Variants in MITF observed in about 807,000 individuals in gnomAD.
The protein encoded by MITF is melanocyte inducing transcription factor.
A neutral mutation model predicts 60.5 loss-of-function variants in MITF; 17 were observed. The ratio of observed to expected loss-of-function variants is 0.28; its 90% CI spans 0.19 to 0.42. The LOEUF is 0.42. Among genes scored for constraint, MITF ranks in the 10% least tolerant of loss-of-function variants. The pLI is 1.00. For missense variants in MITF, 622 were observed against 683.5 expected, an observed-to-expected ratio of 0.91 and a Z score of 1.00; for synonymous variants, 260 against 248.5, an observed-to-expected ratio of 1.05 and a Z score of -0.43.
intron 1 of MITF, among the ~76,000 whole-genome samples, chr3:69,771,032 G>A (rs1037334232): frequency 4.6e-5 from 7 of 152,124 alleles, no homozygotes; most frequent in Admixed American, 6.5e-5. Context: ...GACAGCAACC[G>A]CTTCTCTCAT....
intron 2 of MITF, among the ~76,000 whole-genome samples, chr3:69,903,078 T>C (rs1213605108): frequency 6.6e-6 from 1 of 152,166 alleles, no homozygotes; most frequent in Non-Finnish European, 1.5e-5. Flanking sequence ...AATCTATGGG[T>C]TTTATTTTTA....
chr3:69,780,829 C>A (rs57044368), intron 1 of MITF, among the ~76,000 whole-genome samples: 2,604 of 152,284 alleles, frequency 0.017, 74 homozygotes, highest in African/African-American at 0.06. Context: ...TCACTCTTGC[C>A]ACTTTCTGTT....
intron 1 of MITF, among the ~76,000 whole-genome samples, chr3:69,759,304 C>T (rs961114920): frequency 6.6e-6 from 1 of 152,128 alleles, no homozygotes; most frequent in African/African-American, 2.4e-5. Flanking sequence ...ACAGCACTTT[C>T]GCACTAAACT....
rs79077836 is a variant in MITF at position 69,815,157 on chromosome 3, G to A, written c.105-63977G>A. On this transcript the variant is annotated intron_variant, in intron 1 of 9. Coordinates refer to ENST00000352241, the MANE Select transcript of MITF (RefSeq NM_001354604.2). ...CCTCAGACATACAAAAACACTGAAC[G>A]AAGCAGAATATTCCAAGGGTTCAGA... is the stretch of plus-strand genomic sequence containing the variant. Among the ~76,000 whole-genome samples the A allele has an allele frequency of 3.7e-3, 559 of 152,250 alleles. 1 individual carries two copies. Among genetic ancestry groups the A allele is most frequent in the African/African-American group, 0.012 (508 of 41,534 alleles).
chr3:69,821,677 G>GA (rs71620104), intron 1 of MITF, among the ~76,000 whole-genome samples: 20,375 of 112,610 alleles, frequency 0.18, 1,937 homozygotes, highest in South Asian at 0.25. Context: ...TTTAGAAAAG[G>GA]AAAAAAAAAA....
At chr3:69,944,221 G>C (rs1006256259) in intron 5 of MITF, among the ~76,000 whole-genome samples, 4 of 152,042 alleles carry the variant, frequency 2.6e-5, no homozygotes, top group Non-Finnish European at 2.9e-5. Flanking sequence ...GATTAATTTA[G>C]CATTTATGGA....
intron 1 of MITF, among the ~76,000 whole-genome samples, chr3:69,811,737 T>C (rs73838668): frequency 1.3e-5 from 2 of 152,246 alleles, no homozygotes; most frequent in Admixed American, 6.5e-5. Context: ...CTGGGAAGCA[T>C]AGAATGACAA....
At position 69,739,709 on chromosome 3, in the gene MITF, G is replaced by A; in HGVS notation, c.104+8G>A. The A allele has an allele frequency of 2.6e-6, 4 of 1,558,586 alleles. No individual in the cohort carries two copies. The highest frequency in any genetic ancestry group is 3.5e-6 in the Non-Finnish European group (4 of 1,148,810). On this transcript the variant is annotated splice_region_variant and intron_variant, in intron 1 of 9. Coordinates refer to ENST00000352241, the MANE Select transcript of MITF (RefSeq NM_001354604.2). ...TCAACCGCTGAAGAGCAGGTGAGTG[G>A]TGACAGCTGGGCAGAGGCGCACCGG...
At chr3:69,877,711 T>C (rs1166156926) in intron 1 of MITF, among the ~76,000 whole-genome samples, 1 of 152,160 alleles carries the variant, frequency 6.6e-6, no homozygotes, top group East Asian at 1.9e-4. Context: ...CTTCATCCCC[T>C]AGCATGTTTT....
intron 1 of MITF, among the ~76,000 whole-genome samples, chr3:69,757,716 G>T (rs892258369): frequency 6.6e-6 from 1 of 152,094 alleles, no homozygotes; most frequent in Non-Finnish European, 1.5e-5. Context: ...ATGGGTGGAC[G>T]GTAAGAGATC....
chr3:69,904,822 C>G (rs1277020553), intron 2 of MITF, among the ~76,000 whole-genome samples: 1 of 152,106 alleles, frequency 6.6e-6, no homozygotes, highest in African/African-American at 2.4e-5. Flanking sequence ...TGAGATTTTT[C>G]TCTCTTTGCT....
chr3:69,837,813 C>T (rs939803991), intron 1 of MITF, among the ~76,000 whole-genome samples: 37 of 152,104 alleles, frequency 2.4e-4, no homozygotes, highest in Non-Finnish European at 1.3e-4. Flanking sequence ...AAACTGTTGC[C>T]CTGATCTCAC....
rs899319681 is a variant in MITF at position 69,872,987 on chromosome 3, T to C, written c.105-6147T>C. Among the ~76,000 whole-genome samples, 16 of 152,248 alleles carry C rather than the reference T, an allele frequency of 1.1e-4. 2 individuals are homozygous for C. The South Asian group carries it at 3.3e-3, about 32-fold the overall frequency. ...CATTTGCGTGGGGCATGAGGCTATG[T>C]TTTGTAAGCCTTTGTATTTTAGCTA... On this transcript the variant is annotated intron_variant, in intron 1 of 9. Coordinates refer to ENST00000352241, the MANE Select transcript of MITF (RefSeq NM_001354604.2).
At chr3:69,858,508 G>A (rs965514843) in intron 1 of MITF, among the ~76,000 whole-genome samples, 9 of 151,976 alleles carry the variant, frequency 5.9e-5, no homozygotes, top group East Asian at 1.9e-4. Flanking sequence ...TTAAATACAC[G>A]ACTTCCTGTG....
In MITF at chr3:69,966,854, C is replaced by G. The variant is rs1323965792; in HGVS notation, c.*1606C>G. 1 of 232,506 alleles carries G rather than the reference C, an allele frequency of 4.3e-6. No individual in the cohort carries two copies. Among genetic ancestry groups the G allele is most frequent in the African/African-American group, 2.2e-5 (1 of 45,250 alleles). 14.4% of individuals were successfully genotyped at this position (232,506 alleles called of 1,614,324 possible). A position where few individuals can be genotyped will look rare whatever the true frequency, so the allele number is the denominator to read the frequency against. On this transcript the variant is annotated 3_prime_UTR_variant, in exon 10 of 10. Transcript: ENST00000352241. ...GAAGTGCCTTAAATATAGCAGTAGT[C>G]TTTTTTGGACTAGCACTGACTGAAC... is the stretch of plus-strand genomic sequence containing the variant.
chr3:69,743,468 A>T (rs1016319992), intron 1 of MITF, among the ~76,000 whole-genome samples: 1 of 152,204 alleles, frequency 6.6e-6, no homozygotes, highest in Non-Finnish European at 1.5e-5. Flanking sequence ...AACCTCAGAT[A>T]TTCAAGTCTT....
At chr3:69,817,382 G>A in intron 1 of MITF, among the ~76,000 whole-genome samples, 1 of 152,118 alleles carries the variant, frequency 6.6e-6, no homozygotes, top group South Asian at 2.1e-4. Flanking sequence ...CTTCTCATTA[G>A]TACTAGTGTA....
chr3:69,744,655 G>A (rs1703652346), intron 1 of MITF, among the ~76,000 whole-genome samples: 1 of 152,226 alleles, frequency 6.6e-6, no homozygotes, highest in South Asian at 2.1e-4. Flanking sequence ...TTACCTAGCA[G>A]CGAACCTGGC....
At chr3:69,927,223 T>C (rs181418842) in intron 2 of MITF, among the ~76,000 whole-genome samples, 1 of 152,270 alleles carries the variant, frequency 6.6e-6, no homozygotes, top group East Asian at 1.9e-4. Flanking sequence ...CCCATTTACA[T>C]TAATGAACTT....
Sources: allele counts gnomAD v4.1 joint callset (sites outside exome capture counted in the v4.1 genomes callset), GRCh38; gene constraint gnomAD v4.1.1; transcripts MANE v1.5; gene names NCBI Gene and HGNC (gene_info 2026-07-23, HGNC 2026-07-21).